The following SLC25A18 variants were observed in gnomAD, a reference collection of about 807,000 sequenced individuals.
SLC25A18 encodes the protein solute carrier family 25 member 18.
Under a neutral mutation model 31.1 loss-of-function variants are expected in SLC25A18, and 24 were observed. That is an observed-to-expected ratio of 0.77 (90% CI 0.56 to 1.08). SLC25A18 has a LOEUF of 1.08. Ranked by LOEUF, SLC25A18 falls within the 50% of genes least tolerant of loss-of-function variation. The probability of loss-of-function intolerance (pLI) is 0.00; values close to 1 mark genes in which losing one functional copy is unlikely to be tolerated. For synonymous variants in SLC25A18, 173 were observed against 161.9 expected, an observed-to-expected ratio of 1.07 and a Z score of -0.52; for missense variants, 371 against 418.5, an observed-to-expected ratio of 0.89 and a Z score of 0.99.
intron 10 of SLC25A18, 68 bp from the exon 11 acceptor site, chr22:17,590,027 G>T: frequency 6.3e-7 from 1 of 1,595,102 alleles, no homozygotes; most frequent in Non-Finnish European, 8.5e-7. Flanking sequence ...CAAATGGAGA[G>T]GCTGCCACTG....
intron 2 of SLC25A18, among the ~76,000 whole-genome samples, chr22:17,577,137 C>T (rs1016046034): frequency 6.6e-6 from 1 of 152,186 alleles, no homozygotes; most frequent in Non-Finnish European, 1.5e-5. Context: ...ATTCTCCTAC[C>T]TCAGACTCCC....
chr22:17,579,886 A>G lies in SLC25A18; in HGVS notation c.-59A>G. 6.3e-7 allele frequency: 1 copy of G among 1,585,426 alleles called. No homozygotes were observed. The highest frequency in any genetic ancestry group is 1.2e-5 in the South Asian group (1 of 86,346). ...CCACTTCTTCCCCCAGACAGCCCCA[A>G]CAGCGGCTACCCCAAGGAGCCAGCA... On this transcript the variant is annotated 5_prime_UTR_variant, in exon 3 of 11. Coordinates refer to ENST00000327451, the MANE Select transcript of SLC25A18 (RefSeq NM_031481.3).
intron 1 of SLC25A18, chr22:17,569,629 C>T (rs1222674998): frequency 1.0e-6 from 1 of 985,322 alleles, no homozygotes; most frequent in Non-Finnish European, 1.2e-6. Context: ...TGAATCTCCC[C>T]TCACCCCCAA....
At chr22:17,589,561 C>A in intron 9 of SLC25A18, 29 bp from the exon 10 acceptor site, 1 of 1,605,094 alleles carries the variant, frequency 6.2e-7, no homozygotes, top group Non-Finnish European at 8.5e-7. Context: ...AAGCTGTTCA[C>A]TACTTACTTT....
intron 1 of SLC25A18, among the ~76,000 whole-genome samples, chr22:17,563,940 G>A (rs778037037): frequency 4.6e-5 from 7 of 152,166 alleles, no homozygotes; most frequent in Non-Finnish European, 7.3e-5. Flanking sequence ...CCATGCAATC[G>A]TACCGGGAGG....
chr22:17,566,416 C>CTT (rs756780407), intron 1 of SLC25A18, among the ~76,000 whole-genome samples: 93 of 147,286 alleles, frequency 6.3e-4, no homozygotes, highest in African/African-American at 1.9e-3. Flanking sequence ...CTGTCATTTT[C>CTT]TTTTTTTTTT....
intron 7 of SLC25A18, among the ~76,000 whole-genome samples, chr22:17,585,646 TA>T (rs1256208008): frequency 9.8e-5 from 13 of 132,352 alleles, no homozygotes; most frequent in African/African-American, 3.1e-4. Flanking sequence ...TTATTATTAT[TA>T]TTATTTTTTT....
intron 2 of SLC25A18, among the ~76,000 whole-genome samples, chr22:17,575,849 C>T (rs922876862): frequency 1.3e-5 from 2 of 152,182 alleles, no homozygotes; most frequent in Non-Finnish European, 2.9e-5. Flanking sequence ...CACTTGTCTT[C>T]CCAGTGCACA....
Position 17,581,020 on chromosome 22 carries a change from T to C in SLC25A18, c.21-17T>C, listed in dbSNP as rs765083021. ...TCCCTCTGCCTCTCTCCTCCCCCTG[T>C]CCTCCCCCTGTCCTAGCATCACAGC... On this transcript the variant is annotated splice_polypyrimidine_tract_variant and intron_variant, in intron 3 of 10. Transcript: ENST00000327451. The C allele has an allele frequency of 1.3e-6, 2 of 1,538,754 alleles. No homozygotes were observed. Among genetic ancestry groups the C allele is most frequent in the Non-Finnish European group, 1.8e-6 (2 of 1,139,524 alleles).
chr22:17,588,040 G>GGCAGCTCAGCCCCTCCCCCAGAGCC lies in SLC25A18; in HGVS notation c.691_692insGCAGCTCAGCCCCTCCCCCAGAGCC (p.Ala231GlyfsTer93). ...ACATTCCTTCGTGTCAGGCTGTGTGGCAGGTTCCATAGCTGCGGTCGCAGT... is the reference window on the plus strand; with the variant it reads ...ACATTCCTTCGTGTCAGGCTGTGTGGGCAGCTCAGCCCCTCCCCCAGAGCCCAGGTTCCATAGCTGCGGTCGCAGT... On this transcript the variant is annotated frameshift_variant, in exon 9 of 11. Coordinates refer to ENST00000327451, the MANE Select transcript of SLC25A18 (RefSeq NM_031481.3). LOFTEE classifies it high-confidence loss of function. 1.2e-6 allele frequency: 2 copies of GGCAGCTCAGCCCCTCCCCCAGAGCC among 1,614,208 alleles called. No homozygotes were observed. The highest frequency in any genetic ancestry group is 2.2e-5 in the South Asian group (2 of 91,076).
chr22:17,574,622 T>C (rs1481413741), intron 2 of SLC25A18, among the ~76,000 whole-genome samples: 1 of 150,336 alleles, frequency 6.7e-6, no homozygotes, highest in Non-Finnish European at 1.5e-5. Flanking sequence ...GTTCAAGCGA[T>C]TCTCCTGCGT....
In SLC25A18 at chr22:17,579,775, A is replaced by C; in HGVS notation, c.-170A>C. The C allele has an allele frequency of 7.1e-7, 1 of 1,408,440 alleles. No homozygotes were observed. Among genetic ancestry groups the C allele is most frequent in the Non-Finnish European group, 9.3e-7 (1 of 1,080,956 alleles). 87.2% of individuals were successfully genotyped at this position (1,408,440 alleles called of 1,614,324 possible). ...GAAGCCGCAGCCCAAGGAGGTCGTC[A>C]CTTGCCGGGAAGGTGGCTCGGGCCA... On this transcript the variant is annotated 5_prime_UTR_variant, in exon 3 of 11. Transcript: ENST00000327451.
intron 7 of SLC25A18, among the ~76,000 whole-genome samples, chr22:17,586,276 A>G (rs2057547773): frequency 6.6e-6 from 1 of 152,040 alleles, no homozygotes; most frequent in Non-Finnish European, 1.5e-5. Context: ...GCACTTTGGG[A>G]GGCAGGTGGA....
intron 2 of SLC25A18, among the ~76,000 whole-genome samples, chr22:17,578,855 G>A (rs1374880122): frequency 1.3e-5 from 2 of 152,156 alleles, no homozygotes; most frequent in African/African-American, 4.8e-5. Context: ...AGCTGAGATC[G>A]TGCCATTGCA....
chr22:17,571,331 C>T lies in SLC25A18; in HGVS notation c.-201+1345C>T, dbSNP rs896863674. ...GAGGAGTCAAGCCAAGGGAATGGGA[C>T]GTTTTTAAACAGGAAGAACGAAAAG... On this transcript the variant is annotated intron_variant, in intron 2 of 10. Transcript: ENST00000327451. Among the ~76,000 whole-genome samples, 8 of 152,146 alleles carry T rather than the reference C, an allele frequency of 5.3e-5. No individual in the cohort carries two copies. The South Asian group carries it at 1.0e-3, about 20-fold the overall frequency.
intron 2 of SLC25A18, among the ~76,000 whole-genome samples, chr22:17,571,498 G>T (rs73876468): frequency 0.035 from 5,267 of 152,254 alleles, 304 homozygotes; most frequent in African/African-American, 0.12. Context: ...TCCAGCCGGG[G>T]CGCAGTGGCT....
chr22:17,567,525 G>A (rs2284827), intron 1 of SLC25A18, among the ~76,000 whole-genome samples: 25,622 of 150,934 alleles, frequency 0.17, 2,269 homozygotes, highest in African/African-American at 0.18. Flanking sequence ...AAAGTATCCA[G>A]TGCTGATTCT....
rs1555951483 is a variant in SLC25A18 at position 17,584,448 on chromosome 22, A to AAGGAAG, written c.409+914_409+915insAGGAAG. 6.1e-4 allele frequency among the ~76,000 whole-genome samples: 71 copies of AAGGAAG among 116,810 alleles called. 1 individual carries two copies. Among genetic ancestry groups the AAGGAAG allele is most frequent in the Middle Eastern group, 4.5e-3 (1 of 224 alleles). 76.6% of individuals were successfully genotyped at this position (116,810 alleles called of 152,430 possible). A position where few individuals can be genotyped will look rare whatever the true frequency, so the allele number is the denominator to read the frequency against. ...GAAGGAAGGAAGGAAGGAAGGAAGG[A>AAGGAAG]GAGAGAGAGAGAGAGAGAGAGAGAA... On this transcript the variant is annotated intron_variant, in intron 7 of 10. Coordinates refer to ENST00000327451, the MANE Select transcript of SLC25A18 (RefSeq NM_031481.3).
At position 17,582,713 on chromosome 22, in the gene SLC25A18, GGAA is replaced by G. The variant is rs545002853; in HGVS notation, c.290+66_290+68del. The G allele has an allele frequency of 4.3e-5, 62 of 1,441,888 alleles. 1 individual carries two copies. The South Asian group carries it at 6.5e-4, about 15-fold the overall frequency. The allele number at this position is 1,441,888 out of a possible 1,614,324, so 89.3% of individuals were successfully genotyped here. On this transcript the variant is annotated intron_variant, in intron 6 of 10. Coordinates refer to ENST00000327451, the MANE Select transcript of SLC25A18 (RefSeq NM_031481.3). ...TGTGTGTTTTTTGGGAGAGATGGCA[GGAA>G]GAAGATTTCAAATGTGCCTCAGTAT...
Sources: allele counts gnomAD v4.1 joint callset (sites outside exome capture counted in the v4.1 genomes callset), GRCh38; gene constraint gnomAD v4.1.1; transcripts MANE v1.5; gene names NCBI Gene and HGNC (gene_info 2026-07-23, HGNC 2026-07-21).